The following DDX4 variants were observed in gnomAD, a reference collection of about 807,000 sequenced individuals.
DDX4 encodes the protein DEAD-box helicase 4.
Under a neutral mutation model 100.0 loss-of-function variants are expected in DDX4, and 25 were observed. The observed-to-expected ratio is 0.25, with a 90% CI of 0.18 to 0.35. The LOEUF is 0.35. DDX4 is among the 10% of genes least tolerant of loss of function. The pLI, the probability that DDX4 is intolerant of heterozygous loss-of-function variation, is 1.00. For missense variants in DDX4, 635 were observed against 882.4 expected (o/e 0.72, Z 3.55); for synonymous variants, 259 against 275.7 (o/e 0.94, Z 0.60).
Position 55,794,226 on chromosome 5 carries a change from C to G in DDX4, c.1469+1419C>G, listed in dbSNP as rs139166340. Among the ~76,000 whole-genome samples the G allele has an allele frequency of 4.1e-3, 594 of 143,462 alleles. 7 individuals carry two copies. The highest frequency in any genetic ancestry group is 0.014 in the African/African-American group (553 of 38,572). 94.1% of individuals were successfully genotyped at this position (143,462 alleles called of 152,430 possible). On this transcript the variant is annotated intron_variant, in intron 17 of 21. Coordinates refer to ENST00000505374, the MANE Select transcript of DDX4 (RefSeq NM_024415.3). ...GATGAAGTCTTGCTCTTGCTCTTGTCCCCCAGGCTGGAGTGCAATGGCGCG... is the reference window on the plus strand; with the variant it reads ...GATGAAGTCTTGCTCTTGCTCTTGTGCCCCAGGCTGGAGTGCAATGGCGCG...
chr5:55,785,841 G>A lies in DDX4; in HGVS notation c.834G>A (p.Val278=), dbSNP rs765068107. ...AATACGACACTATTCTTGTGGAAGT[G>A]TCTGGACATGATGCACCACCAGCAA... The part of the protein sequence containing the change: ...FDKYDTILVE[V]SGHDAPPAIL... The change falls in exon 13 of 22, where the codon GTG becomes GTA. Residue 278 remains valine (V), a synonymous_variant. Coordinates refer to ENST00000505374, the MANE Select transcript of DDX4 (RefSeq NM_024415.3). The A allele has an allele frequency of 1.2e-5, 20 of 1,610,618 alleles. No homozygotes were observed. Among genetic ancestry groups the A allele is most frequent in the Admixed American group, 3.3e-5 (2 of 59,954 alleles).
In DDX4 at chr5:55,785,769, T is replaced by C. The variant is rs374034480; in HGVS notation, c.762T>C (p.Asp254=). The C allele has an allele frequency of 2.4e-5, 39 of 1,608,486 alleles. No homozygotes were observed. Among genetic ancestry groups the C allele is most frequent in the Admixed American group, 3.3e-5 (2 of 59,972 alleles). ...VTYIPPPPPE[D]EDSIFAHYQT... is the part of the protein sequence containing the mutation. ...ACATACCCCCTCCTCCACCTGAGGATGAGGACTCCATCTTTGCACATTATC... is the reference window on the plus strand; with the variant it reads ...ACATACCCCCTCCTCCACCTGAGGACGAGGACTCCATCTTTGCACATTATC... Residue 254 remains aspartate (D), a synonymous_variant, in exon 13 of 22, where the codon GAT becomes GAC. Transcript: ENST00000505374.
At chr5:55,747,125 G>A (rs955365793) in intron 3 of DDX4, among the ~76,000 whole-genome samples, 2 of 152,152 alleles carry the variant, frequency 1.3e-5, no homozygotes, top group African/African-American at 4.8e-5. Context: ...GCTCATGCCT[G>A]TAATCCCAGC....
At chr5:55,751,326 C>T (rs1759537822) in intron 3 of DDX4, among the ~76,000 whole-genome samples, 2 of 152,194 alleles carry the variant, frequency 1.3e-5, no homozygotes, top group East Asian at 3.8e-4. Flanking sequence ...TTCAATCTCC[C>T]AGGCTCAAGC....
chr5:55,744,954 C>A (rs1184194221), intron 2 of DDX4, among the ~76,000 whole-genome samples: 1 of 151,912 alleles, frequency 6.6e-6, no homozygotes, highest in African/African-American at 2.4e-5. Context: ...GATCTCGGCT[C>A]ACCACAACCT....
At chr5:55,764,642 C>T (rs532673815) in intron 6 of DDX4, among the ~76,000 whole-genome samples, 135 of 152,260 alleles carry the variant, frequency 8.9e-4, no homozygotes, top group South Asian at 7.5e-3. Flanking sequence ...ATCCTGATAC[C>T]TCCTGTGTTT....
intron 10 of DDX4, among the ~76,000 whole-genome samples, chr5:55,783,454 A>G (rs1742042841): frequency 1.3e-5 from 2 of 152,186 alleles, no homozygotes; most frequent in African/African-American, 4.8e-5. Context: ...GTGGAACAAC[A>G]GATTACTCGT....
intron 3 of DDX4, among the ~76,000 whole-genome samples, chr5:55,750,008 A>G (rs955135734): frequency 5.9e-5 from 9 of 151,980 alleles, no homozygotes; most frequent in Non-Finnish European, 1.2e-4. Flanking sequence ...ACTTTTAATC[A>G]CACTAGAAAA....
chr5:55,777,227 A>G (rs1314270179), intron 7 of DDX4, among the ~76,000 whole-genome samples: 2 of 152,240 alleles, frequency 1.3e-5, no homozygotes, highest in Non-Finnish European at 2.9e-5. Context: ...AAAACTCTGT[A>G]AAGAGAAAAC....
In DDX4 at chr5:55,785,360, A is replaced by G. The variant is rs1156586423; in HGVS notation, c.673+16A>G. On this transcript the variant is annotated intron_variant, in intron 11 of 21. Coordinates refer to ENST00000505374, the MANE Select transcript of DDX4 (RefSeq NM_024415.3). ...TCTGGAAAGAGTAAGTTTTCCTTAA[A>G]CAAGGTGTTTGATTTTTATAGTGAG... 11 of 1,602,230 alleles carry G rather than the reference A, an allele frequency of 6.9e-6. No homozygotes were observed. Among genetic ancestry groups the G allele is most frequent in the African/African-American group, 4.0e-5 (3 of 74,648 alleles).
intron 17 of DDX4, among the ~76,000 whole-genome samples, chr5:55,794,920 A>G (rs551273066): frequency 7.3e-5 from 11 of 150,718 alleles, no homozygotes; most frequent in African/African-American, 2.7e-4. Flanking sequence ...AACTCTCCCA[A>G]ATTTCTTCCC....
Position 55,790,655 on chromosome 5 carries a change from A to G in DDX4, c.1252A>G (p.Ile418Val), listed in dbSNP as rs1742509072. ...TCGACAAATAGTACAAGGCTGTAAT[A>G]TATTATGTGCTACTCCTGGAAGACT... ...SIRQIVQGCN[I>V]LCATPGRLMD... is the part of the protein sequence containing the mutation. The change falls in exon 16 of 22, where the codon ATA becomes GTA. Residue 418 changes from isoleucine to valine, a missense_variant. Ile to Val is a conservative substitution (Grantham distance 29). Coordinates refer to ENST00000505374, the MANE Select transcript of DDX4 (RefSeq NM_024415.3). 3 of 1,610,400 alleles carry G rather than the reference A, an allele frequency of 1.9e-6. No homozygotes were observed. Among genetic ancestry groups the G allele is most frequent in the Non-Finnish European group, 2.5e-6 (3 of 1,176,690 alleles).
chr5:55,773,046 G>A (rs1436781246), intron 7 of DDX4: 1 of 152,142 alleles, frequency 6.6e-6, no homozygotes, highest in Non-Finnish European at 1.5e-5. Context: ...CTATAAACTG[G>A]GTAGCTTTGT....
intron 18 of DDX4, among the ~76,000 whole-genome samples, chr5:55,804,824 A>G (rs1743587350): frequency 6.6e-6 from 1 of 152,132 alleles, no homozygotes; most frequent in African/African-American, 2.4e-5. Context: ...TTGGTTCCAT[A>G]TGAACTTTAA....
At chr5:55,810,331 C>G (rs1361837714) in intron 18 of DDX4, among the ~76,000 whole-genome samples, 1 of 152,178 alleles carries the variant, frequency 6.6e-6, no homozygotes, top group African/African-American at 2.4e-5. Flanking sequence ...TCTAGAACTC[C>G]TGACCTCAGG....
intron 4 of DDX4, 138 bp downstream of exon 4, chr5:55,760,415 A>G: frequency 2.4e-6 from 2 of 846,778 alleles, no homozygotes; most frequent in South Asian, 3.1e-5. Flanking sequence ...TAATGAGTTC[A>G]TCATTTTTCC....
chr5:55,746,268 T>C (rs1226998200), intron 3 of DDX4, 47 bp downstream of exon 3: 3 of 1,531,366 alleles, frequency 2.0e-6, no homozygotes, highest in Non-Finnish European at 2.7e-6. Flanking sequence ...TTTAAGGGTT[T>C]CATCTAGTGA....
chr5:55,770,728 C>T (rs1741203625), intron 7 of DDX4, among the ~76,000 whole-genome samples: 1 of 152,078 alleles, frequency 6.6e-6, no homozygotes, highest in Admixed American at 6.6e-5. Flanking sequence ...AGACTGTCTC[C>T]TTAATTACTT....
At chr5:55,792,427 C>G (rs894978605) in intron 16 of DDX4, among the ~76,000 whole-genome samples, 3 of 151,412 alleles carry the variant, frequency 2.0e-5, no homozygotes, top group Non-Finnish European at 2.9e-5. Context: ...GTGGCGCGAT[C>G]TTGCTCACTG....
Sources: gnomAD v4.1 joint callset for allele counts (sites outside exome capture counted in the v4.1 genomes callset) on GRCh38, gnomAD v4.1.1 for gene constraint, MANE v1.5 for transcripts, NCBI Gene and HGNC (gene_info 2026-07-23, HGNC 2026-07-21) for gene names.